EFHC1: variants seen among roughly 807,000 people sequenced by gnomAD.
The protein encoded by EFHC1 is EF-hand domain containing 1, also known as EF-hand domain-containing protein 1.
In EFHC1, 53 loss-of-function variants were observed where a neutral mutation model predicts 69.9. The observed-to-expected ratio is 0.76, with a 90% CI of 0.61 to 0.95. The LOEUF (loss-of-function observed/expected upper bound fraction) is 0.95, where lower values mean the gene tolerates loss of function less well. Ranked by LOEUF, EFHC1 falls within the 40% of genes least tolerant of loss-of-function variation. EFHC1 has a pLI of 0.00. For synonymous variants in EFHC1, 256 were observed against 278.4 expected (o/e 0.92, Z 0.80); for missense variants, 739 against 798.7 (o/e 0.93, Z 0.90).
rs1335909645 is a variant in EFHC1 at position 52,496,754 on chromosome 6, C to T, written c.*4413C>T. ...CTTCTCATGGCAGAGCAGGACCCAA[C>T]TCTACAATGAAGCTTGCCATGCATC... On this transcript the variant is annotated 3_prime_UTR_variant, in exon 11 of 11. Coordinates refer to ENST00000371068, the MANE Select transcript of EFHC1 (RefSeq NM_018100.4). 6.6e-6 allele frequency: 1 copy of T among 152,218 alleles called. No individual in the cohort carries two copies. The highest frequency in any genetic ancestry group is 1.5e-5 in the Non-Finnish European group (1 of 68,040). 9.4% of individuals were successfully genotyped at this position (152,218 alleles called of 1,614,324 possible).
At chr6:52,442,589 TC>T (rs1242011369) in intron 3 of EFHC1, among the ~76,000 whole-genome samples, 1 of 152,206 alleles carries the variant, frequency 6.6e-6, no homozygotes, top group Non-Finnish European at 1.5e-5. Context: ...AATGATGGTT[TC>T]CAGCTTCATC....
In EFHC1 at chr6:52,495,693, A is replaced by G. The variant is rs749376705; in HGVS notation, c.*3352A>G. The G allele has an allele frequency of 1.4e-4, 58 of 427,922 alleles. No individual in the cohort carries two copies. Among genetic ancestry groups the G allele is most frequent in the Non-Finnish European group, 2.7e-4 (57 of 213,404 alleles). 26.5% of individuals were successfully genotyped at this position (427,922 alleles called of 1,614,324 possible). On this transcript the variant is annotated 3_prime_UTR_variant, in exon 11 of 11. Coordinates refer to ENST00000371068, the MANE Select transcript of EFHC1 (RefSeq NM_018100.4). ...AGCCTCAAACTCCTGGGCTCATGCA[A>G]TCCTCCTGCCTCAGCCTTCTGAGTA...
intron 1 of EFHC1, 114 bp downstream of exon 1, chr6:52,420,587 A>C: frequency 7.8e-7 from 1 of 1,289,156 alleles, no homozygotes; most frequent in Non-Finnish European, 1.1e-6. Context: ...CTCTCCAAAC[A>C]CGTCTTCTGT....
At chr6:52,454,491 T>C (rs1350739549) in intron 5 of EFHC1, among the ~76,000 whole-genome samples, 1 of 151,998 alleles carries the variant, frequency 6.6e-6, no homozygotes, top group Non-Finnish European at 1.5e-5. Flanking sequence ...GGTACCCAGG[T>C]CAAGGAAACA....
chr6:52,437,865 A>G (rs894606699), intron 2 of EFHC1, among the ~76,000 whole-genome samples: 17 of 152,212 alleles, frequency 1.1e-4, no homozygotes, highest in Non-Finnish European at 2.4e-4. Context: ...GGGGTTCAAC[A>G]TATGAATTTT....
At chr6:52,459,516 G>T (rs1000055431) in intron 5 of EFHC1, among the ~76,000 whole-genome samples, 1 of 152,204 alleles carries the variant, frequency 6.6e-6, no homozygotes, top group Non-Finnish European at 1.5e-5. Flanking sequence ...AGATACTACT[G>T]TATACCCACT....
intron 7 of EFHC1, among the ~76,000 whole-genome samples, chr6:52,470,694 T>C (rs545498772): frequency 2.6e-5 from 4 of 152,276 alleles, no homozygotes; most frequent in African/African-American, 9.6e-5. Context: ...AGTATAATAC[T>C]TAGGATTAGA....
chr6:52,464,516 TA>T (rs1190308207), intron 5 of EFHC1, among the ~76,000 whole-genome samples: 1 of 152,224 alleles, frequency 6.6e-6, no homozygotes, highest in Non-Finnish European at 1.5e-5. Context: ...GATGAATGGA[TA>T]AACGGGTGGG....
At chr6:52,442,673 A>G (rs1334808618) in intron 3 of EFHC1, among the ~76,000 whole-genome samples, 1 of 152,020 alleles carries the variant, frequency 6.6e-6, no homozygotes, top group East Asian at 1.9e-4. Flanking sequence ...TATGTGCCAC[A>G]TTTTCTTAAT....
intron 6 of EFHC1, chr6:52,468,608 G>A (rs1484769008): frequency 1.3e-5 from 2 of 152,768 alleles, no homozygotes; most frequent in African/African-American, 4.8e-5. Flanking sequence ...GTTGGTACAA[G>A]TGCAAAGCAA....
At chr6:52,472,708 A>G (rs920688467) in intron 7 of EFHC1, among the ~76,000 whole-genome samples, 1 of 150,044 alleles carries the variant, frequency 6.7e-6, no homozygotes, top group Non-Finnish European at 1.5e-5. Flanking sequence ...GAGATATGTA[A>G]TATCTTTTAC....
intron 3 of EFHC1, among the ~76,000 whole-genome samples, chr6:52,443,659 G>A (rs1089945): frequency 0.9 from 136,317 of 152,126 alleles, 61,361 homozygotes; most frequent in East Asian, 1. Context: ...CTCTGTTTTG[G>A]TACCAGTACC....
At chr6:52,463,318 G>A (rs779576958) in intron 5 of EFHC1, among the ~76,000 whole-genome samples, 12 of 151,584 alleles carry the variant, frequency 7.9e-5, no homozygotes, top group African/African-American at 2.2e-4. Context: ...CACTGTGCCC[G>A]GCCAAAACGA....
chr6:52,447,005 C>A (rs2113987688), intron 3 of EFHC1, among the ~76,000 whole-genome samples: 1 of 152,254 alleles, frequency 6.6e-6, no homozygotes, highest in East Asian at 1.9e-4. Context: ...TTTTTTCCTT[C>A]ATTTCAACTT....
intron 3 of EFHC1, among the ~76,000 whole-genome samples, chr6:52,449,934 C>T (rs562516382): frequency 2.6e-5 from 4 of 152,126 alleles, no homozygotes; most frequent in South Asian, 2.1e-4. Context: ...TTTTTGACAT[C>T]GGCATTTAGT....
At chr6:52,427,007 A>T (rs1342582733) in intron 2 of EFHC1, among the ~76,000 whole-genome samples, 1 of 152,008 alleles carries the variant, frequency 6.6e-6, no homozygotes, top group Admixed American at 6.6e-5. Context: ...ACCACCATTC[A>T]CCTCACTGTG....
rs760228198 is a variant in EFHC1 at position 52,465,129 on chromosome 6, ACTT to A, written c.1137+18_1137+20del. The A allele has an allele frequency of 1.9e-6, 3 of 1,610,036 alleles. No homozygotes were observed. Among genetic ancestry groups the A allele is most frequent in the Admixed American group, 1.7e-5 (1 of 59,982 alleles). ...CCAGTAAAACAGGTAATCAGATAGT[ACTT>A]CTTAGTGTGGTGAGAAAACTAATTT... On this transcript the variant is annotated intron_variant, in intron 6 of 10. Transcript: ENST00000371068.
rs1252195937 is a variant in EFHC1 at position 52,420,373 on chromosome 6, G to A, written c.-38G>A. On this transcript the variant is annotated 5_prime_UTR_variant, in exon 1 of 11. Transcript: ENST00000371068. ...TGTCGCCTGGGCAACCGGAGAGGAC[G>A]AAGCAGGACCTAGGTGGCGGCGGTG... 1 of 1,614,140 alleles carries A rather than the reference G, an allele frequency of 6.2e-7. No homozygotes were observed. Among genetic ancestry groups the A allele is most frequent in the Admixed American group, 1.7e-5 (1 of 60,036 alleles).
intron 5 of EFHC1, among the ~76,000 whole-genome samples, chr6:52,459,689 T>G (rs916470616): frequency 1.8e-4 from 27 of 151,956 alleles, no homozygotes; most frequent in East Asian, 1.2e-3. Context: ...TTGTTTGTTT[T>G]TTTGAGACGG....
Sources: allele counts gnomAD v4.1 joint callset (sites outside exome capture counted in the v4.1 genomes callset), GRCh38; gene constraint gnomAD v4.1.1; transcripts MANE v1.5; gene names NCBI Gene and HGNC (gene_info 2026-07-23, HGNC 2026-07-21).